Variants in POFUT2 observed in about 807,000 individuals in gnomAD.
POFUT2 encodes the protein protein O-fucosyltransferase 2.
Under a neutral mutation model 55.0 loss-of-function variants are expected in POFUT2, and 30 were observed. That is an observed-to-expected ratio of 0.55 (90% CI 0.41 to 0.74). POFUT2 has a LOEUF of 0.74. Ranked by LOEUF, POFUT2 falls within the 30% of genes least tolerant of loss-of-function variation. The probability of loss-of-function intolerance (pLI) is 0.00; values close to 1 mark genes in which losing one functional copy is unlikely to be tolerated. For synonymous variants in POFUT2, 267 were observed against 231.1 expected, an observed-to-expected ratio of 1.16 and a Z score of -1.41; for missense variants, 524 against 562.6, an observed-to-expected ratio of 0.93 and a Z score of 0.69.
At chr21:45,266,404 C>T (rs1012022839) in intron 8 of POFUT2, 20 of 1,202,932 alleles carry the variant, frequency 1.7e-5, no homozygotes, top group African/African-American at 3.2e-5. Context: ...CAGGCCGCGC[C>T]GGCCCGGAGG....
At position 45,267,549 on chromosome 21, in the gene POFUT2, C is replaced by T; in HGVS notation, c.1136+41G>A. On this transcript the variant is annotated intron_variant, in intron 8 of 8. Coordinates refer to ENST00000349485, the MANE Select transcript of POFUT2 (RefSeq NM_133635.6). The surrounding 1 kb of genome is among the most constrained non-coding windows in gnomAD (Gnocchi z 4.4). ...TTGGGACAGAAGAACCTTTGAAAGCCACCCGACCCGCTCTCGGCCGACAGT... is the reference window on the plus strand; with the variant it reads ...TTGGGACAGAAGAACCTTTGAAAGCTACCCGACCCGCTCTCGGCCGACAGT... 1 of 1,614,180 alleles carries T rather than the reference C, an allele frequency of 6.2e-7. No homozygotes were observed. The highest frequency in any genetic ancestry group is 8.5e-7 in the Non-Finnish European group (1 of 1,180,042).
chr21:45,274,040 T>A (rs1602179999), intron 6 of POFUT2, among the ~76,000 whole-genome samples: 1 of 152,206 alleles, frequency 6.6e-6, no homozygotes, highest in Non-Finnish European at 1.5e-5. Flanking sequence ...TGTTCACTGA[T>A]GATATAATTG....
At position 45,281,324 on chromosome 21, in the gene POFUT2, A is replaced by T. The variant is rs143461622; in HGVS notation, c.638+1025T>A. 2.2e-3 allele frequency among the ~76,000 whole-genome samples: 342 copies of T among 152,328 alleles called. 1 individual carries two copies. The highest frequency in any genetic ancestry group is 7.2e-3 in the African/African-American group (300 of 41,582). The stretch of plus-strand genomic sequence containing the variant: ...TAGGCAGACTGGCTTCCAAAACCCG[A>T]ATATTGTCATGAAATGAACCCAGTC... On this transcript the variant is annotated intron_variant, in intron 4 of 8. Transcript: ENST00000349485. This position sits in a 1 kb window ranked among gnomAD's most constrained non-coding sequence, Gnocchi z 5.0.
Position 45,270,127 on chromosome 21 carries a change from C to T in POFUT2, c.832-108G>A. On this transcript the variant is annotated intron_variant, in intron 6 of 8. Transcript: ENST00000349485. This position sits in a 1 kb window ranked among gnomAD's most constrained non-coding sequence, Gnocchi z 4.6. ...AGAGGGATGACCCTTTCCATGTGGCCTCCTCCACGGGGTGGCTCCAGGGCT... is the reference window on the plus strand; with the variant it reads ...AGAGGGATGACCCTTTCCATGTGGCTTCCTCCACGGGGTGGCTCCAGGGCT... 1.2e-6 allele frequency: 1 copy of T among 824,318 alleles called. No individual in the cohort carries two copies. The highest frequency in any genetic ancestry group is 1.7e-6 in the Non-Finnish European group (1 of 574,344). The allele number at this position is 824,318 out of a possible 1,614,324, so 51.1% of individuals were successfully genotyped here.
rs1320587261 is a variant in POFUT2 at position 45,282,895 on chromosome 21, C to A, written c.528-436G>T. On this transcript the variant is annotated intron_variant, in intron 3 of 8. Transcript: ENST00000349485. The surrounding 1 kb of genome is among the most constrained non-coding windows in gnomAD (Gnocchi z 4.6). ...CACAGGAGGCCTGGTAGTGTCAGAG[C>A]CTTTAATGGCAATCGACACTTGGGA... 1.1e-5 allele frequency: 5 copies of A among 475,580 alleles called. No individual in the cohort carries two copies. The highest frequency in any genetic ancestry group is 2.2e-5 in the Non-Finnish European group (5 of 230,330). 29.5% of individuals were successfully genotyped at this position (475,580 alleles called of 1,614,324 possible).
At position 45,264,502 on chromosome 21, in the gene POFUT2, A is replaced by G. The variant is rs1474373346; in HGVS notation, c.*980T>C. Reference sequence around the variant, plus strand: ...AAGACCTAAAAATGATTTCTGTAAAATGGGTACAAGGAGCTCCCTGATAAA... The same window carrying G: ...AAGACCTAAAAATGATTTCTGTAAAGTGGGTACAAGGAGCTCCCTGATAAA... On this transcript the variant is annotated 3_prime_UTR_variant, in exon 9 of 9. Transcript: ENST00000349485. The G allele has an allele frequency of 6.6e-6, 1 of 152,232 alleles. No homozygotes were observed. The highest frequency in any genetic ancestry group is 1.5e-5 in the Non-Finnish European group (1 of 68,074). The allele number at this position is 152,232 out of a possible 1,614,324, so 9.4% of individuals were successfully genotyped here. A position where few individuals can be genotyped will look rare whatever the true frequency, so the allele number is the denominator to read the frequency against.
chr21:45,278,824 C>T (rs117074184), intron 4 of POFUT2, among the ~76,000 whole-genome samples: 2,235 of 152,284 alleles, frequency 0.015, 23 homozygotes, highest in Non-Finnish European at 0.021. Flanking sequence ...ATCTCAGACT[C>T]GCAGGCAGGT....
At position 45,281,459 on chromosome 21, in the gene POFUT2, G is replaced by A. The variant is rs1226942745; in HGVS notation, c.638+890C>T. On this transcript the variant is annotated intron_variant, in intron 4 of 8. Coordinates refer to ENST00000349485, the MANE Select transcript of POFUT2 (RefSeq NM_133635.6). The surrounding 1 kb of genome is among the most constrained non-coding windows in gnomAD (Gnocchi z 5.0). ...GCCGGGCTGGCTGAGCAGCAGACAC[G>A]CGGGCCTGTGATGGAGCCACCTGCC... Among the ~76,000 whole-genome samples, 4 of 152,196 alleles carry A rather than the reference G, an allele frequency of 2.6e-5. No individual in the cohort carries two copies. Among genetic ancestry groups the A allele is most frequent in the African/African-American group, 7.2e-5 (3 of 41,442 alleles).
At chr21:45,278,305 C>G in intron 4 of POFUT2, 136 bp from the exon 5 acceptor site, 2 of 761,548 alleles carry the variant, frequency 2.6e-6, no homozygotes, top group South Asian at 3.0e-5. Context: ...AACCAGGGCG[C>G]GTTGGGTGGT....
intron 1 of POFUT2, 67 bp downstream of exon 1, chr21:45,287,674 C>CCCCAACCAAACAAAGAA: frequency 1.7e-6 from 2 of 1,162,084 alleles, no homozygotes; most frequent in Non-Finnish European, 2.2e-6. Flanking sequence ...CCGCCCCGCC[C>CCCCAACCAAACAAAGAA]CCATCCCATC....
At chr21:45,266,934 C>T (rs1569215034) in intron 8 of POFUT2, 3 of 1,019,292 alleles carry the variant, frequency 2.9e-6, no homozygotes. Flanking sequence ...GCAGGCAGGT[C>T]TTTGGAGGAA....
intron 6 of POFUT2, among the ~76,000 whole-genome samples, chr21:45,272,630 C>T (rs1291045955): frequency 6.6e-6 from 1 of 152,064 alleles, no homozygotes; most frequent in Non-Finnish European, 1.5e-5. Flanking sequence ...GGAACGTTAT[C>T]CAAGATAAAC....
chr21:45,282,678 A>C lies in POFUT2; in HGVS notation c.528-219T>G. On this transcript the variant is annotated intron_variant, in intron 3 of 8. Coordinates refer to ENST00000349485, the MANE Select transcript of POFUT2 (RefSeq NM_133635.6). This position sits in a 1 kb window ranked among gnomAD's most constrained non-coding sequence, Gnocchi z 4.6. ...CTGATGGACCACTGAGGCTTTCCCC[A>C]TGATAGGGGCTGGCGGGATGGCCGG... The C allele has an allele frequency of 5.2e-6, 3 of 573,564 alleles. No homozygotes were observed. Among genetic ancestry groups the C allele is most frequent in the East Asian group, 3.3e-5 (1 of 30,132 alleles). 35.5% of individuals were successfully genotyped at this position (573,564 alleles called of 1,614,324 possible).
chr21:45,280,453 G>T (rs1241374316), intron 4 of POFUT2, among the ~76,000 whole-genome samples: 1 of 152,188 alleles, frequency 6.6e-6, no homozygotes, highest in East Asian at 1.9e-4. Flanking sequence ...CTGGGCAGGG[G>T]TCTGCGGGTG....
Position 45,284,298 on chromosome 21 carries a change from A to G in POFUT2, c.383-771T>C, listed in dbSNP as rs1246686152. The stretch of plus-strand genomic sequence containing the variant: ...GTTCTGGTATCCTTTTTGCTCACTC[A>G]TGACTGGGGGCTAAGGGCTGCGTGG... On this transcript the variant is annotated intron_variant, in intron 2 of 8. Transcript: ENST00000349485. The surrounding 1 kb of genome is among the most constrained non-coding windows in gnomAD (Gnocchi z 5.8). Among the ~76,000 whole-genome samples, 1 of 152,180 alleles carries G rather than the reference A, an allele frequency of 6.6e-6. No homozygotes were observed. The highest frequency in any genetic ancestry group is 1.5e-5 in the Non-Finnish European group (1 of 68,028).
At chr21:45,271,668 T>C (rs1209656297) in intron 6 of POFUT2, among the ~76,000 whole-genome samples, 2 of 152,164 alleles carry the variant, frequency 1.3e-5, no homozygotes, top group African/African-American at 4.8e-5. Flanking sequence ...AGGTAACCTA[T>C]AAAGGAAAAC....
intron 7 of POFUT2, among the ~76,000 whole-genome samples, chr21:45,268,640 A>G (rs1348122667): frequency 7.2e-6 from 1 of 138,620 alleles, no homozygotes; most frequent in Non-Finnish European, 1.6e-5. Context: ...CCGCCGCCCC[A>G]TCTGGGATGT....
intron 7 of POFUT2, among the ~76,000 whole-genome samples, chr21:45,269,328 G>A (rs888809256): frequency 8.5e-5 from 13 of 152,324 alleles, no homozygotes; most frequent in South Asian, 8.3e-4. Flanking sequence ...TGACAATGGC[G>A]GCTTTGTGGA....
At chr21:45,268,927 G>A (rs1208908294) in intron 7 of POFUT2, among the ~76,000 whole-genome samples, 1 of 97,480 alleles carries the variant, frequency 1.0e-5, no homozygotes, top group Non-Finnish European at 2.1e-5. Context: ...TCAGCCCCCC[G>A]CCTGGCCAGC....
Sources: allele counts gnomAD v4.1 joint callset (sites outside exome capture counted in the v4.1 genomes callset), GRCh38; gene constraint gnomAD v4.1.1; non-coding constraint Gnocchi (gnomAD v3.1); transcripts MANE v1.5; gene names NCBI Gene and HGNC (gene_info 2026-07-23, HGNC 2026-07-21).